EPB41L3: variants seen among roughly 807,000 people sequenced by gnomAD.
The protein encoded by EPB41L3 is band 4.1-like protein 3.
In EPB41L3, 57 loss-of-function variants were observed where a neutral mutation model predicts 127.1. The ratio of observed to expected loss-of-function variants is 0.45; its 90% CI spans 0.36 to 0.56. The LOEUF (loss-of-function observed/expected upper bound fraction) is 0.56. Ranked by LOEUF, EPB41L3 falls within the 20% of genes least tolerant of loss-of-function variation. The probability of loss-of-function intolerance (pLI) is 0.00; values close to 1 mark genes in which losing one functional copy is unlikely to be tolerated. For missense variants in EPB41L3, 1,273 were observed against 1,372.2 expected, an observed-to-expected ratio of 0.93 and a Z score of 1.14; for synonymous variants, 572 against 549.5, an observed-to-expected ratio of 1.04 and a Z score of -0.57.
At position 5,447,448 on chromosome 18, in the gene EPB41L3, CTTTTT is replaced by C. The variant is rs10694622; in HGVS notation, c.382-2209_382-2205del. Among the ~76,000 whole-genome samples, 10 of 114,100 alleles carry C rather than the reference CTTTTT, an allele frequency of 8.8e-5. No homozygotes were observed. The East Asian group carries it at 1.4e-3, about 16-fold the overall frequency. The allele number at this position is 114,100 out of a possible 152,430, so 74.9% of individuals were successfully genotyped here. A position where few individuals can be genotyped will look rare whatever the true frequency, so the allele number is the denominator to read the frequency against. ...CTACCTAATTGCTTTAGCTAGACTA[CTTTTT>C]TTTTTTTTTTTTTTTTTTTACCTAC... On this transcript the variant is annotated intron_variant, in intron 3 of 22. Transcript: ENST00000341928.
At chr18:5,442,747 C>T (rs993973719) in intron 5 of EPB41L3, among the ~76,000 whole-genome samples, 11 of 152,054 alleles carry the variant, frequency 7.2e-5, no homozygotes, top group Non-Finnish European at 1.2e-4. Context: ...TCCATGTTTG[C>T]GGCAAAAGTA....
At chr18:5,476,679 T>C (rs963791198) in intron 3 of EPB41L3, among the ~76,000 whole-genome samples, 4 of 152,128 alleles carry the variant, frequency 2.6e-5, no homozygotes, top group African/African-American at 9.7e-5. Flanking sequence ...TTCTCTTGAC[T>C]TGGATCAATT....
At chr18:5,532,828 C>T (rs986189144) in intron 1 of EPB41L3, among the ~76,000 whole-genome samples, 1 of 152,040 alleles carries the variant, frequency 6.6e-6, no homozygotes, top group Non-Finnish European at 1.5e-5. Flanking sequence ...CCCTTACACA[C>T]TCTAATATGA....
chr18:5,411,250 G>T (rs2076158927), intron 13 of EPB41L3, among the ~76,000 whole-genome samples: 2 of 152,046 alleles, frequency 1.3e-5, no homozygotes, highest in Non-Finnish European at 2.9e-5. Flanking sequence ...CGCTAACTAG[G>T]TATTTTTTAA....
At chr18:5,481,047 G>A in intron 2 of EPB41L3, 1 of 152,058 alleles carries the variant, frequency 6.6e-6, no homozygotes, top group East Asian at 1.9e-4. Flanking sequence ...AACCATGATG[G>A]CTACAACAGT....
At chr18:5,395,196 C>G (rs999714124) in intron 20 of EPB41L3, 49 bp from the exon 21 acceptor site, 14 of 1,513,422 alleles carry the variant, frequency 9.3e-6, no homozygotes, top group Non-Finnish European at 1.2e-5. Context: ...TGGGAGAAAC[C>G]ATCATGGTTC....
At chr18:5,412,051 T>C (rs8097641) in intron 13 of EPB41L3, among the ~76,000 whole-genome samples, 8,441 of 152,158 alleles carry the variant, frequency 0.055, 369 homozygotes, top group African/African-American at 0.12. Flanking sequence ...ATAAAGGTGA[T>C]TGTTGTTATG....
At chr18:5,586,205 T>C (rs745580828) in intron 3 of EPB41L3, among the ~76,000 whole-genome samples, 3 of 152,208 alleles carry the variant, frequency 2.0e-5, no homozygotes, top group Non-Finnish European at 2.9e-5. Context: ...ATTTGTTCCT[T>C]ACTTCAATAA....
chr18:5,629,084 C>G (rs2094957676), upstream of EPB41L3: 1 of 152,296 alleles, frequency 6.6e-6, no homozygotes, highest in Non-Finnish European at 1.5e-5. Context: ...AAGCCTCCAC[C>G]GCAGGTCCTT....
At chr18:5,588,795 G>C (rs1318299560) in intron 3 of EPB41L3, among the ~76,000 whole-genome samples, 1 of 151,970 alleles carries the variant, frequency 6.6e-6, no homozygotes, top group East Asian at 1.9e-4. Context: ...GTTTGTCTAG[G>C]CTTTATGATG....
intron 3 of EPB41L3, among the ~76,000 whole-genome samples, chr18:5,607,736 T>C (rs1237085775): frequency 6.6e-6 from 1 of 152,186 alleles, no homozygotes; most frequent in Non-Finnish European, 1.5e-5. Context: ...GACAGAAATA[T>C]CATATATTTC....
intron 1 of EPB41L3, among the ~76,000 whole-genome samples, chr18:5,497,373 G>A (rs113612211): frequency 6.6e-6 from 1 of 152,186 alleles, no homozygotes; most frequent in Non-Finnish European, 1.5e-5. Context: ...CAACAGTCCA[G>A]GTGAGGGAAA....
At chr18:5,485,911 C>T (rs1198827406) in intron 2 of EPB41L3, among the ~76,000 whole-genome samples, 2 of 151,996 alleles carry the variant, frequency 1.3e-5, no homozygotes, top group African/African-American at 4.8e-5. Flanking sequence ...GGCAATACTA[C>T]CCAAAGTAAT....
intron 1 of EPB41L3, among the ~76,000 whole-genome samples, chr18:5,498,111 C>T (rs925641417): frequency 1.3e-5 from 2 of 152,138 alleles, no homozygotes; most frequent in Admixed American, 6.6e-5. Flanking sequence ...GGCAGTGTTT[C>T]CCAGAACATA....
rs751664919 is a variant in EPB41L3, at chr18:5,415,934, G to A, written c.1951C>T (p.Pro651Ser). 1 of 1,614,136 alleles carries A rather than the reference G, an allele frequency of 6.2e-7. No homozygotes were observed. The highest frequency in any genetic ancestry group is 1.1e-5 in the South Asian group (1 of 91,082). ...FFLLSASFSV[P>S]YALTLSFPLA... ...GGGAAGGAGAGAGTGAGAGCGTATGGCACTGAGAAGGAGGCAGACAGCAGA... is the reference window on the plus strand; with the variant it reads ...GGGAAGGAGAGAGTGAGAGCGTATGACACTGAGAAGGAGGCAGACAGCAGA... The change falls in exon 13 of 23, where the codon CCA becomes TCA. Residue 651 changes from proline (P) to serine (S), a missense_variant. By Grantham distance (74) the Pro-to-Ser change is moderately conservative (BLOSUM62 -1). Coordinates refer to ENST00000341928, the MANE Select transcript of EPB41L3 (RefSeq NM_012307.5).
rs867719226 is a variant in EPB41L3 at position 5,478,372 on chromosome 18, C to A, written c.250G>T (p.Asp84Tyr). 1.2e-6 allele frequency: 2 copies of A among 1,614,008 alleles called. No individual in the cohort carries two copies. The highest frequency in any genetic ancestry group is 1.3e-5 in the African/African-American group (1 of 74,926). ...GATGATTTCTGAGAAAGTTTATCGT[C>A]TTCTAATTGCTGATATTCGAGCTGT... ...AKQLEYQQLEDDKLSQKSSSS... is the reference protein window; with the variant it reads ...AKQLEYQQLEYDKLSQKSSSS... The change falls in exon 3 of 23, where the codon GAC (aspartate) becomes TAC (tyrosine). Residue 84 changes from aspartate to tyrosine, a missense_variant. Physicochemically the swap from Asp to Tyr is radical, Grantham distance 160 (BLOSUM62 -3). This residue lies in a region of EPB41L3 where 182 missense variants were observed against 149.2 expected (regional missense o/e 1.22). Transcript: ENST00000341928.
At chr18:5,445,901 G>C (rs552584973) in intron 3 of EPB41L3, among the ~76,000 whole-genome samples, 1 of 152,232 alleles carries the variant, frequency 6.6e-6, no homozygotes, top group Middle Eastern at 3.4e-3. Context: ...ATGATGTGAG[G>C]TGGATCAGTT....
At chr18:5,477,617 C>G (rs2087504337) in intron 3 of EPB41L3, among the ~76,000 whole-genome samples, 2 of 152,212 alleles carry the variant, frequency 1.3e-5, no homozygotes, top group Admixed American at 6.5e-5. Flanking sequence ...CAGTTCCAGA[C>G]AGGTTGTGTT....
intron 8 of EPB41L3, chr18:5,431,137 C>T (rs985800896): frequency 3.3e-5 from 5 of 152,118 alleles, no homozygotes; most frequent in Admixed American, 2.6e-4. Context: ...TCAAGATGCA[C>T]ATTAAGTGAC....
Sources: allele counts gnomAD v4.1 joint callset (sites outside exome capture counted in the v4.1 genomes callset), GRCh38; gene constraint gnomAD v4.1.1; regional missense constraint gnomAD v4.1.1; transcripts MANE v1.5; gene names NCBI Gene and HGNC (gene_info 2026-07-23, HGNC 2026-07-21).